The following GOLGA3 variants were observed in gnomAD, a reference collection of about 807,000 sequenced individuals.
The protein encoded by GOLGA3 is golgin subfamily A member 3.
Under a neutral mutation model 169.4 loss-of-function variants are expected in GOLGA3, and 75 were observed. That is an observed-to-expected ratio of 0.44 (90% CI 0.37 to 0.54). The LOEUF (loss-of-function observed/expected upper bound fraction) is 0.54, where lower values mean the gene tolerates loss of function less well. GOLGA3 is among the 20% of genes least tolerant of loss of function. The pLI is 0.00. For missense variants in GOLGA3, 1,899 were observed against 1,930.0 expected (o/e 0.98, Z 0.30); for synonymous variants, 824 against 822.4 (o/e 1.00, Z -0.03).
At chr12:132,799,063 T>C (rs1357883777) in intron 8 of GOLGA3, among the ~76,000 whole-genome samples, 2 of 152,206 alleles carry the variant, frequency 1.3e-5, no homozygotes, top group African/African-American at 4.8e-5. Flanking sequence ...GAGGACAGCC[T>C]GGGGCCTGAG....
intron 15 of GOLGA3, 105 bp from the exon 16 acceptor site, chr12:132,784,412 A>G (rs923497940): frequency 2.1e-6 from 2 of 935,830 alleles, no homozygotes; most frequent in African/African-American, 3.3e-5. Flanking sequence ...CACACACCAG[A>G]CACCAGCTGT....
Position 132,816,832 on chromosome 12 carries a change from T to G in GOLGA3, c.134-20A>C. The G allele has an allele frequency of 2.6e-6, 4 of 1,561,826 alleles. No individual in the cohort carries two copies. The highest frequency in any genetic ancestry group is 3.5e-6 in the Non-Finnish European group (4 of 1,151,456). The stretch of plus-strand genomic sequence containing the variant: ...CGGCACCTGGAAAGACAGAGCACGC[T>G]GGACCACCATGGCTTTAACAACAAG... On this transcript the variant is annotated intron_variant, in intron 2 of 23. Transcript: ENST00000450791.
intron 13 of GOLGA3, among the ~76,000 whole-genome samples, chr12:132,787,794 A>C (rs369481007): frequency 0.045 from 373 of 8,266 alleles, 43 homozygotes; most frequent in Non-Finnish European, 0.066. Flanking sequence ...CCCGGAGACC[A>C]CGGGACCCCT....
rs1453003830 is a variant in GOLGA3, at chr12:132,782,361, G to A, written c.3400C>T (p.His1134Tyr). The change falls in exon 17 of 24, where the codon CAC (histidine) becomes TAC (tyrosine). Residue 1134 changes from histidine (H) to tyrosine (Y), a missense_variant. Physicochemically the swap from His to Tyr is moderately conservative, Grantham distance 83. Transcript: ENST00000450791. ...LGQSNAALRE[H>Y]NSILETALAK... ...AAAGCTGTTTCTAGGATGCTGTTGTGTTCCCGCAGAGCTGCGTTGGACTGA... is the reference window on the plus strand; with the variant it reads ...AAAGCTGTTTCTAGGATGCTGTTGTATTCCCGCAGAGCTGCGTTGGACTGA... The A allele has an allele frequency of 6.2e-7, 1 of 1,614,272 alleles. No homozygotes were observed. Among genetic ancestry groups the A allele is most frequent in the Admixed American group, 1.7e-5 (1 of 60,034 alleles).
At position 132,782,464 on chromosome 12, in the gene GOLGA3, C is replaced by T. The variant is rs1285441332; in HGVS notation, c.3297G>A (p.Lys1099=). ...TGTTTGACTCCTCAAGGCGTTTTAT[C>T]TTCTTCCTAAAGCCTCTGGATTCTT... ...ELQESRGFRK[K]IKRLEESNKK... The change falls in exon 17 of 24, where the codon AAG becomes AAA. Residue 1099 remains lysine (K), a synonymous_variant. Transcript: ENST00000450791. The T allele has an allele frequency of 1.1e-5, 18 of 1,614,072 alleles. No homozygotes were observed. The highest frequency in any genetic ancestry group is 1.5e-5 in the Non-Finnish European group (18 of 1,179,910).
At chr12:132,810,915 C>A (rs375429906) in intron 4 of GOLGA3, among the ~76,000 whole-genome samples, 53 of 152,326 alleles carry the variant, frequency 3.5e-4, no homozygotes, top group African/African-American at 1.3e-3. Flanking sequence ...ATCCTGTACA[C>A]GTGGCTCTGC....
chr12:132,777,561 A>G lies in GOLGA3; in HGVS notation c.3722+105T>C, dbSNP rs2045315633. ...CCTATGATTCACTCAAGTACTCGGC[A>G]ATTTGCAAAATATAGATGACCCTCG... is the stretch of plus-strand genomic sequence containing the variant. On this transcript the variant is annotated intron_variant, in intron 19 of 23. Transcript: ENST00000450791. The surrounding 1 kb of genome is among the most constrained non-coding windows in gnomAD (Gnocchi z 4.7). 7.6e-7 allele frequency: 1 copy of G among 1,323,572 alleles called. No individual in the cohort carries two copies. The highest frequency in any genetic ancestry group is 2.0e-5 in the Admixed American group (1 of 49,462). 82.0% of individuals were successfully genotyped at this position (1,323,572 alleles called of 1,614,324 possible).
At chr12:132,817,074 C>T (rs938486128) in intron 2 of GOLGA3, among the ~76,000 whole-genome samples, 8 of 144,288 alleles carry the variant, frequency 5.5e-5, no homozygotes, top group African/African-American at 1.5e-4. Flanking sequence ...CACACTCTAA[C>T]GTGAACCCGC....
Position 132,804,654 on chromosome 12 carries a change from AAGG to A in GOLGA3, c.1597+59_1597+61del. On this transcript the variant is annotated intron_variant, in intron 7 of 23. Coordinates refer to ENST00000450791, the MANE Select transcript of GOLGA3 (RefSeq NM_001389683.1). The surrounding 1 kb of genome is among the most constrained non-coding windows in gnomAD (Gnocchi z 4.1). ...AGGGCGTGGCGGGGGCCAGTCGAGG[AAGG>A]AGGAGGGAGCAGCAGGGACCAGTCA... 1 of 1,382,754 alleles carries A rather than the reference AAGG, an allele frequency of 7.2e-7. No homozygotes were observed. Among genetic ancestry groups the A allele is most frequent in the Non-Finnish European group, 1.0e-6 (1 of 992,548 alleles). 85.7% of individuals were successfully genotyped at this position (1,382,754 alleles called of 1,614,324 possible). A position where few individuals can be genotyped will look rare whatever the true frequency, so the allele number is the denominator to read the frequency against.
intron 1 of GOLGA3, chr12:132,825,805 GTAC>G (rs35413437): frequency 0.25 from 296,990 of 1,175,642 alleles, 42,808 homozygotes; most frequent in Non-Finnish European, 0.3. Context: ...AGCTCCTGCG[GTAC>G]TACAAGAACA....
chr12:132,777,569 A>C lies in GOLGA3; in HGVS notation c.3722+97T>G, dbSNP rs1426176586. 1.4e-6 allele frequency: 2 copies of C among 1,409,556 alleles called. No individual in the cohort carries two copies. The highest frequency in any genetic ancestry group is 2.3e-5 in the East Asian group (1 of 43,606). The allele number at this position is 1,409,556 out of a possible 1,614,324, so 87.3% of individuals were successfully genotyped here. ...TCACTCAAGTACTCGGCAATTTGCA[A>C]AATATAGATGACCCTCGCTGTGCTG... On this transcript the variant is annotated intron_variant, in intron 19 of 23. Coordinates refer to ENST00000450791, the MANE Select transcript of GOLGA3 (RefSeq NM_001389683.1). This position sits in a 1 kb window ranked among gnomAD's most constrained non-coding sequence, Gnocchi z 4.7.
At chr12:132,779,958 T>C (rs1409848856) in intron 18 of GOLGA3, among the ~76,000 whole-genome samples, 1 of 100,320 alleles carries the variant, frequency 1.0e-5, no homozygotes, top group Non-Finnish European at 1.8e-5. Flanking sequence ...TATACAGACA[T>C]CACAACCCTT....
At chr12:132,782,531 T>C in intron 16 of GOLGA3, 38 bp from the exon 17 acceptor site, 1 of 1,496,860 alleles carries the variant, frequency 6.7e-7, no homozygotes, top group Non-Finnish European at 9.3e-7. Flanking sequence ...TTACCTGCAC[T>C]GGTGAGTGGA....
At chr12:132,820,545 A>G (rs1387829943) in intron 2 of GOLGA3, among the ~76,000 whole-genome samples, 2 of 152,132 alleles carry the variant, frequency 1.3e-5, no homozygotes, top group East Asian at 3.9e-4. Context: ...AAGCCATCCT[A>G]AGCGCCTGAG....
intron 8 of GOLGA3, among the ~76,000 whole-genome samples, chr12:132,799,182 C>A (rs1195425382): frequency 6.6e-6 from 1 of 152,180 alleles, no homozygotes; most frequent in Non-Finnish European, 1.5e-5. Flanking sequence ...GTGCACGGAG[C>A]CAGGGAAGAC....
chr12:132,781,213 G>GTGCCCTCCACCGCAC (rs942991722), intron 17 of GOLGA3, among the ~76,000 whole-genome samples: 88 of 71,522 alleles, frequency 1.2e-3, no homozygotes, highest in African/African-American at 4.6e-3. Context: ...TACCACCGCA[G>GTGCCCTCCACCGCAC]TGCCCTCCAC....
chr12:132,774,212 G>C lies in GOLGA3; in HGVS notation c.4252C>G (p.Pro1418Ala). Residue 1418 changes from proline (P) to alanine (A), a missense_variant, in exon 23 of 24, where the codon CCC (proline) becomes GCC (alanine). Coordinates refer to ENST00000450791, the MANE Select transcript of GOLGA3 (RefSeq NM_001389683.1). Reference protein sequence around the residue: ...SLLEELLRPPPAVSKEPLKNL... With the variant: ...SLLEELLRPPAAVSKEPLKNL... ...TTGAGGGGCTCCTTGCTCACGGCGG[G>C]CGGTGGTCTCAGCAGCTCCTCCAGC... The C allele has an allele frequency of 1.2e-6, 2 of 1,611,170 alleles. No individual in the cohort carries two copies. The highest frequency in any genetic ancestry group is 1.7e-6 in the Non-Finnish European group (2 of 1,179,078).
intron 13 of GOLGA3, 36 bp from the exon 14 acceptor site, chr12:132,786,823 G>T: frequency 7.4e-7 from 1 of 1,352,082 alleles, no homozygotes; most frequent in Non-Finnish European, 1.1e-6. Context: ...GAGCGGCACT[G>T]CCACCCCCAG....
At chr12:132,816,215 C>CA (rs1054807129) in intron 3 of GOLGA3, among the ~76,000 whole-genome samples, 1 of 152,022 alleles carries the variant, frequency 6.6e-6, no homozygotes, top group South Asian at 2.1e-4. Flanking sequence ...AAAAGCAAAC[C>CA]AAAAAAAACC....
Sources: allele counts gnomAD v4.1 joint callset (sites outside exome capture counted in the v4.1 genomes callset), GRCh38; gene constraint gnomAD v4.1.1; non-coding constraint Gnocchi (gnomAD v3.1); transcripts MANE v1.5; gene names NCBI Gene and HGNC (gene_info 2026-07-23, HGNC 2026-07-21).